ZMAT4: variants seen among roughly 807,000 people sequenced by gnomAD.
ZMAT4 encodes zinc finger matrin-type 4, also known as zinc finger matrin-type protein 4.
Under a neutral mutation model 28.7 loss-of-function variants are expected in ZMAT4, and 17 were observed. The ratio of observed to expected loss-of-function variants is 0.59; its 90% CI spans 0.41 to 0.89. ZMAT4 has a LOEUF of 0.89. ZMAT4 is among the 40% of genes least tolerant of loss of function. The pLI is 0.00. For missense variants in ZMAT4, 240 were observed against 283.8 expected (o/e 0.85, Z 1.11); for synonymous variants, 117 against 109.2 (o/e 1.07, Z -0.44).
At chr8:40,846,998 G>A (rs1270326290) in intron 1 of ZMAT4, among the ~76,000 whole-genome samples, 3 of 152,102 alleles carry the variant, frequency 2.0e-5, no homozygotes, top group African/African-American at 4.8e-5. Flanking sequence ...TTTGAGGTCA[G>A]GAGTTCGAGA....
chr8:40,861,985 G>C (rs1817509717), intron 1 of ZMAT4, among the ~76,000 whole-genome samples: 1 of 152,154 alleles, frequency 6.6e-6, no homozygotes, highest in Non-Finnish European at 1.5e-5. Flanking sequence ...CTGTAAACTA[G>C]TTCAACCATT....
At chr8:40,703,611 G>C (rs1585906745) in intron 3 of ZMAT4, among the ~76,000 whole-genome samples, 1 of 152,272 alleles carries the variant, frequency 6.6e-6, no homozygotes, top group South Asian at 2.1e-4. Flanking sequence ...GATGGGAGGG[G>C]AAATGAGGAG....
At chr8:40,710,819 C>A (rs570304938) in intron 3 of ZMAT4, among the ~76,000 whole-genome samples, 93 of 151,568 alleles carry the variant, frequency 6.1e-4, no homozygotes, top group African/African-American at 2.0e-3. Flanking sequence ...TCTCACTCTG[C>A]CTCCAGGCTG....
chr8:40,836,848 C>T (rs1359986216), intron 1 of ZMAT4, among the ~76,000 whole-genome samples: 5 of 152,092 alleles, frequency 3.3e-5, no homozygotes, highest in Admixed American at 1.3e-4. Flanking sequence ...AGATGTTGTA[C>T]GGGTGCTCAT....
At chr8:40,546,059 G>A (rs1447516874) in intron 6 of ZMAT4, among the ~76,000 whole-genome samples, 2 of 152,004 alleles carry the variant, frequency 1.3e-5, no homozygotes, top group Non-Finnish European at 2.9e-5. Context: ...AGTGTCCCAG[G>A]TGGGCAGGTC....
rs557343192 is a variant in ZMAT4 at position 40,647,062 on chromosome 8, G to T, written c.577+27642C>A. Among the ~76,000 whole-genome samples, 60 of 152,238 alleles carry T rather than the reference G, an allele frequency of 3.9e-4. 1 individual carries two copies. The highest frequency in any genetic ancestry group is 6.8e-3 in the Middle Eastern group (2 of 294). On this transcript the variant is annotated intron_variant, in intron 5 of 6. Coordinates refer to ENST00000297737, the MANE Select transcript of ZMAT4 (RefSeq NM_024645.3). ...TAAAAAAAAGAAATTTGAGAGTCTG[G>T]GGGGAGGAGCCAAGATGGCCTAATA... is the stretch of plus-strand genomic sequence containing the variant.
intron 1 of ZMAT4, among the ~76,000 whole-genome samples, chr8:40,889,363 T>C (rs1307782663): frequency 1.3e-5 from 2 of 152,198 alleles, no homozygotes; most frequent in Non-Finnish European, 2.9e-5. Context: ...CACATCTTAG[T>C]GAACAGCATC....
intron 3 of ZMAT4, among the ~76,000 whole-genome samples, chr8:40,754,506 A>G (rs1203647033): frequency 1.3e-5 from 2 of 152,218 alleles, no homozygotes; most frequent in African/African-American, 4.8e-5. Context: ...CTGAAGCAAT[A>G]TGCCATATGT....
At chr8:40,856,393 G>A (rs145294697) in intron 1 of ZMAT4, among the ~76,000 whole-genome samples, 1 of 152,338 alleles carries the variant, frequency 6.6e-6, no homozygotes, top group Non-Finnish European at 1.5e-5. Flanking sequence ...CCAGGTAAGG[G>A]AGGACAGCAT....
intron 2 of ZMAT4, among the ~76,000 whole-genome samples, chr8:40,804,509 C>T (rs1014840427): frequency 1.3e-5 from 2 of 152,112 alleles, no homozygotes; most frequent in African/African-American, 2.4e-5. Flanking sequence ...TGTTGGTTGA[C>T]TGACTTTGGA....
intron 5 of ZMAT4, among the ~76,000 whole-genome samples, chr8:40,667,847 A>AC (rs1808491268): frequency 2.1e-5 from 3 of 140,430 alleles, no homozygotes; most frequent in Non-Finnish European, 4.8e-5. Context: ...AAAAAAAAAA[A>AC]ACAACAAAAA....
chr8:40,830,480 C>CTCTA (rs1192128580), intron 1 of ZMAT4, among the ~76,000 whole-genome samples: 4 of 152,138 alleles, frequency 2.6e-5, no homozygotes, highest in Non-Finnish European at 5.9e-5. Context: ...TGTCCTCTAC[C>CTCTA]TCTACCCTTA....
chr8:40,610,847 A>G (rs574890685), intron 5 of ZMAT4, among the ~76,000 whole-genome samples: 206 of 144,556 alleles, frequency 1.4e-3, no homozygotes, highest in African/African-American at 4.9e-3. Context: ...AGAAAAAATG[A>G]AAAAAAAAAG....
At chr8:40,793,092 G>A (rs1814431904) in intron 2 of ZMAT4, among the ~76,000 whole-genome samples, 1 of 152,074 alleles carries the variant, frequency 6.6e-6, no homozygotes, top group Non-Finnish European at 1.5e-5. Context: ...CGCAACAGTG[G>A]GCTTTGGGTG....
At chr8:40,574,019 G>A (rs934545859) in intron 6 of ZMAT4, among the ~76,000 whole-genome samples, 1 of 152,012 alleles carries the variant, frequency 6.6e-6, no homozygotes, top group Admixed American at 6.6e-5. Flanking sequence ...ATAATCACTG[G>A]CACCTGAATA....
rs1486917304 is a variant in ZMAT4, at chr8:40,609,872, C to T, written c.578-28611G>A. Among the ~76,000 whole-genome samples, 7 of 152,236 alleles carry T rather than the reference C, an allele frequency of 4.6e-5. No homozygotes were observed. The East Asian group carries it at 9.7e-4, about 21-fold the overall frequency. On this transcript the variant is annotated intron_variant, in intron 5 of 6. Transcript: ENST00000297737. Reference sequence around the variant, plus strand: ...TGTGTTCCACCTGAGCCCACACAACCGCAGTGCAGCAAGGATGCAAGTCAC... The same window carrying T: ...TGTGTTCCACCTGAGCCCACACAACTGCAGTGCAGCAAGGATGCAAGTCAC...
chr8:40,565,258 G>T (rs2118486022), intron 6 of ZMAT4, among the ~76,000 whole-genome samples: 2 of 152,144 alleles, frequency 1.3e-5, no homozygotes, highest in East Asian at 3.9e-4. Context: ...TTCAGAGAAT[G>T]CCCAGAAAAT....
chr8:40,665,768 A>G (rs1004786503), intron 5 of ZMAT4, among the ~76,000 whole-genome samples: 1 of 152,156 alleles, frequency 6.6e-6, no homozygotes, highest in Non-Finnish European at 1.5e-5. Context: ...AGAAATTGTG[A>G]CACCCTCAGT....
intron 2 of ZMAT4, among the ~76,000 whole-genome samples, chr8:40,768,006 A>G (rs186077487): frequency 5.9e-5 from 9 of 152,272 alleles, no homozygotes; most frequent in Middle Eastern, 3.4e-3. Flanking sequence ...ACTATATTTA[A>G]TTTTCCTCAA....
Sources: gnomAD v4.1 joint callset for allele counts (sites outside exome capture counted in the v4.1 genomes callset) on GRCh38, gnomAD v4.1.1 for gene constraint, MANE v1.5 for transcripts, NCBI Gene and HGNC (gene_info 2026-07-23, HGNC 2026-07-21) for gene names.